ST6GAL1: variants seen among roughly 807,000 people sequenced by gnomAD.
ST6GAL1 encodes the protein beta-galactoside alpha-2,6-sialyltransferase 1.
Under a neutral mutation model 38.0 loss-of-function variants are expected in ST6GAL1, and 20 were observed. The ratio of observed to expected loss-of-function variants is 0.53; its 90% CI spans 0.37 to 0.77. The LOEUF is 0.77. Ranked by LOEUF, ST6GAL1 falls within the 30% of genes least tolerant of loss-of-function variation. The pLI is 0.00. For synonymous variants in ST6GAL1, 196 were observed against 188.2 expected, an observed-to-expected ratio of 1.04 and a Z score of -0.34; for missense variants, 432 against 496.4, an observed-to-expected ratio of 0.87 and a Z score of 1.23.
chr3:187,042,644 C>A lies in ST6GAL1; in HGVS notation c.-50-10C>A. The A allele has an allele frequency of 6.5e-7, 1 of 1,533,328 alleles. No individual in the cohort carries two copies. The highest frequency in any genetic ancestry group is 8.7e-7 in the Non-Finnish European group (1 of 1,145,708). 95.0% of individuals were successfully genotyped at this position (1,533,328 alleles called of 1,614,324 possible). A position where few individuals can be genotyped will look rare whatever the true frequency, so the allele number is the denominator to read the frequency against. On this transcript the variant is annotated splice_polypyrimidine_tract_variant and intron_variant, in intron 3 of 7. Coordinates refer to ENST00000169298, the MANE Select transcript of ST6GAL1 (RefSeq NM_173216.2). ...ACATCATTTGTTTTTCCTTGTCTCA[C>A]TTTTTTTAGGCTTGTTTTCCTGCTC...
chr3:187,019,710 G>C (rs1717231738), intron 2 of ST6GAL1, among the ~76,000 whole-genome samples: 1 of 152,142 alleles, frequency 6.6e-6, no homozygotes, highest in Non-Finnish European at 1.5e-5. Flanking sequence ...TGGCAGCCAG[G>C]ACACATGGAG....
In ST6GAL1 at chr3:186,997,284, G is replaced by GT. The variant is rs758420419; in HGVS notation, c.-183+33359dup. Among the ~76,000 whole-genome samples, 51 of 152,192 alleles carry GT rather than the reference G, an allele frequency of 3.4e-4. No individual in the cohort carries two copies. The Middle Eastern group carries it at 0.014, about 41-fold the overall frequency. On this transcript the variant is annotated intron_variant, in intron 2 of 7. Transcript: ENST00000169298. Reference sequence around the variant, plus strand: ...TGACCAGGGTGTCACCCCCTGTTTTGTAAGTGACAAAACTGTCACTCAGAG... The same window carrying GT: ...TGACCAGGGTGTCACCCCCTGTTTTGTTAAGTGACAAAACTGTCACTCAGAG...
intron 2 of ST6GAL1, among the ~76,000 whole-genome samples, chr3:187,030,286 G>A (rs1173144093): frequency 6.6e-6 from 1 of 152,182 alleles, no homozygotes; most frequent in Non-Finnish European, 1.5e-5. Context: ...ATTGATGCAT[G>A]TGATGCTCTT....
intron 4 of ST6GAL1, 127 bp from the exon 5 acceptor site, chr3:187,051,122 G>A (rs1158652054): frequency 1.2e-6 from 1 of 809,174 alleles, no homozygotes; most frequent in Non-Finnish European, 2.1e-6. Context: ...ATTTCGCCCT[G>A]TGGATCATGA....
intron 2 of ST6GAL1, among the ~76,000 whole-genome samples, chr3:187,005,291 TTGAGACG>T (rs1716748294): frequency 1.0e-5 from 1 of 96,228 alleles, no homozygotes; most frequent in African/African-American, 3.6e-5. Flanking sequence ...TTTTTTTTTT[TTGAGACG>T]GAGTCTTCGC....
rs1346684782 is a variant in ST6GAL1, at chr3:186,984,295, CT to C, written c.-183+20370del. ...GTCTCCTTACTACTATCCCTGCCCC[CT>C]ATTCCTGTTCCCACATGGCAGCCTG... On this transcript the variant is annotated intron_variant, in intron 2 of 7. Transcript: ENST00000169298. 3.3e-5 allele frequency among the ~76,000 whole-genome samples: 5 copies of C among 152,350 alleles called. No individual in the cohort carries two copies. The East Asian group carries it at 9.7e-4, about 29-fold the overall frequency.
At chr3:187,064,031 C>T (rs923920325) in intron 5 of ST6GAL1, among the ~76,000 whole-genome samples, 1 of 152,048 alleles carries the variant, frequency 6.6e-6, no homozygotes, top group Non-Finnish European at 1.5e-5. Context: ...TCTGCCTCTG[C>T]CTGTTTGCGA....
intron 1 of ST6GAL1, among the ~76,000 whole-genome samples, chr3:186,954,535 G>C (rs556868995): frequency 1.3e-5 from 2 of 152,290 alleles, no homozygotes; most frequent in South Asian, 4.1e-4. Context: ...ACTGGCATGA[G>C]ATAGTATCTT....
chr3:187,057,010 C>A (rs1217845164), intron 5 of ST6GAL1, among the ~76,000 whole-genome samples: 1 of 152,104 alleles, frequency 6.6e-6, no homozygotes, highest in Non-Finnish European at 1.5e-5. Context: ...TCTTTTTACT[C>A]TTTTTTCTCT....
chr3:186,981,409 C>T (rs937737093), intron 2 of ST6GAL1, among the ~76,000 whole-genome samples: 2 of 152,194 alleles, frequency 1.3e-5, no homozygotes, highest in Admixed American at 6.5e-5. Context: ...CTCAGGCTAA[C>T]GGCCTCCTTC....
intron 2 of ST6GAL1, chr3:187,006,102 T>C (rs547959654): frequency 6.6e-6 from 1 of 152,314 alleles, no homozygotes; most frequent in Non-Finnish European, 1.5e-5. Flanking sequence ...ACTAGTCTTC[T>C]GGGACAGCCT....
chr3:186,987,292 G>T (rs935993418), intron 2 of ST6GAL1, among the ~76,000 whole-genome samples: 3 of 152,168 alleles, frequency 2.0e-5, no homozygotes, highest in Admixed American at 2.0e-4. Flanking sequence ...AGGTTAGTAA[G>T]TATCTTATGT....
intron 1 of ST6GAL1, among the ~76,000 whole-genome samples, chr3:186,939,286 C>G (rs571477913): frequency 1.4e-4 from 21 of 151,790 alleles, no homozygotes; most frequent in Non-Finnish European, 2.8e-4. Context: ...CCGTGTTGCC[C>G]AGGCTTGAAC....
chr3:186,943,692 C>T (rs566100202), intron 1 of ST6GAL1, among the ~76,000 whole-genome samples: 2 of 152,314 alleles, frequency 1.3e-5, no homozygotes, highest in South Asian at 4.1e-4. Flanking sequence ...TCGTGATCCG[C>T]CCGCCTCAGC....
At chr3:186,977,149 G>T (rs1008555816) in intron 2 of ST6GAL1, among the ~76,000 whole-genome samples, 4 of 152,218 alleles carry the variant, frequency 2.6e-5, no homozygotes, top group Non-Finnish European at 5.9e-5. Context: ...ACTTCTTTCT[G>T]TCTGCTTCCG....
At chr3:186,970,678 T>C (rs1213180457) in intron 2 of ST6GAL1, among the ~76,000 whole-genome samples, 1 of 152,206 alleles carries the variant, frequency 6.6e-6, no homozygotes, top group Non-Finnish European at 1.5e-5. Context: ...GGTTGGCTTT[T>C]TTGCACTCAT....
intron 4 of ST6GAL1, among the ~76,000 whole-genome samples, chr3:187,050,614 G>C (rs1718482872): frequency 6.6e-6 from 1 of 151,552 alleles, no homozygotes; most frequent in Non-Finnish European, 1.5e-5. Flanking sequence ...AAGGAAGGAA[G>C]GAAGGAAAAG....
At chr3:187,010,944 GAA>G (rs1206981756) in intron 2 of ST6GAL1, among the ~76,000 whole-genome samples, 1 of 152,102 alleles carries the variant, frequency 6.6e-6, no homozygotes, top group Non-Finnish European at 1.5e-5. Flanking sequence ...AAGTATAAAA[GAA>G]AATCTAGCCC....
At chr3:186,957,996 C>T (rs903837772) in intron 1 of ST6GAL1, among the ~76,000 whole-genome samples, 1 of 151,194 alleles carries the variant, frequency 6.6e-6, no homozygotes, top group African/African-American at 2.4e-5. Context: ...AGAAAGCAAC[C>T]ACTTCAGGTT....
Sources: gnomAD v4.1 joint callset for allele counts (sites outside exome capture counted in the v4.1 genomes callset) on GRCh38, gnomAD v4.1.1 for gene constraint, MANE v1.5 for transcripts, NCBI Gene and HGNC (gene_info 2026-07-23, HGNC 2026-07-21) for gene names.